Variants in ARHGEF2 observed in about 807,000 individuals in gnomAD.
ARHGEF2 encodes the protein rho guanine nucleotide exchange factor 2.
In ARHGEF2, 22 loss-of-function variants were observed where a neutral mutation model predicts 121.0. The ratio of observed to expected loss-of-function variants is 0.18; its 90% confidence interval spans 0.13 to 0.26. The LOEUF is 0.26. Among genes scored for constraint, ARHGEF2 ranks in the 10% least tolerant of loss-of-function variants. The pLI, the probability that ARHGEF2 is intolerant of heterozygous loss-of-function variation, is 1.00. For synonymous variants in ARHGEF2, 487 were observed against 530.0 expected (o/e 0.92, Z 1.11); for missense variants, 907 against 1,336.0 (o/e 0.68, Z 5.01).
intron 16 of ARHGEF2, 63 bp downstream of exon 16, chr1:155,952,053 G>A: frequency 6.2e-7 from 1 of 1,613,944 alleles, no homozygotes; most frequent in South Asian, 1.1e-5. Context: ...TTGATCCCTG[G>A]TACCACTCTA....
intron 14 of ARHGEF2, among the ~76,000 whole-genome samples, chr1:155,954,112 C>T (rs568056129): frequency 6.8e-6 from 1 of 146,192 alleles, no homozygotes; most frequent in Non-Finnish European, 1.5e-5. Context: ...CAGGTGTGTA[C>T]CATCATGCCT....
chr1:155,964,922 TA>T, intron 7 of ARHGEF2, 65 bp downstream of exon 7: 1 of 1,360,222 alleles, frequency 7.4e-7, no homozygotes, highest in South Asian at 1.6e-5. Context: ...AAAAGAAAAA[TA>T]AAGAAGGAAG....
chr1:155,955,751 T>A (rs1028523090), intron 13 of ARHGEF2, among the ~76,000 whole-genome samples: 10 of 152,160 alleles, frequency 6.6e-5, no homozygotes, highest in African/African-American at 2.4e-4. Flanking sequence ...AGTCTTGCAC[T>A]TTCGCCCAGG....
chr1:155,971,892 A>T (rs111998236), intron 1 of ARHGEF2, among the ~76,000 whole-genome samples: 75 of 151,548 alleles, frequency 4.9e-4, no homozygotes, highest in African/African-American at 1.2e-3. Flanking sequence ...ATAAAAAAAA[A>T]AAATATATAC....
chr1:155,969,318 G>A lies in ARHGEF2; in HGVS notation c.64-18C>T. 1 of 1,613,222 alleles carries A rather than the reference G, an allele frequency of 6.2e-7. No individual in the cohort carries two copies. Among genetic ancestry groups the A allele is most frequent in the Non-Finnish European group, 8.5e-7 (1 of 1,179,564 alleles). ...TCCCGGGTCTGTGGAAGGGATGAGA[G>A]GGAGAGGAAGTGAGGCTGGAAAATG... On this transcript the variant is annotated intron_variant, in intron 1 of 21. Coordinates refer to ENST00000361247, the MANE Select transcript of ARHGEF2 (RefSeq NM_001162383.2).
At chr1:155,968,716 G>GA in intron 2 of ARHGEF2, 1 of 165,854 alleles carries the variant, frequency 6.0e-6, no homozygotes, top group South Asian at 1.6e-4. Flanking sequence ...GTGAAGTCCT[G>GA]AATGCCCAGC....
rs1319877579 is a variant in ARHGEF2, at chr1:155,966,980, C to T, written c.209-93G>A. 6 of 1,262,274 alleles carry T rather than the reference C, an allele frequency of 4.8e-6. No individual in the cohort carries two copies. The African/African-American group carries it at 5.9e-5, about 12-fold the overall frequency. The allele number at this position is 1,262,274 out of a possible 1,614,324, so 78.2% of individuals were successfully genotyped here. On this transcript the variant is annotated intron_variant, in intron 2 of 21. Coordinates refer to ENST00000361247, the MANE Select transcript of ARHGEF2 (RefSeq NM_001162383.2). ...AGACACCCATCTCCTCCTGGCCACA[C>T]AGTCCTCGGGGACTCTCCCCCCTTC...
chr1:155,961,544 G>C lies in ARHGEF2; in HGVS notation c.1468+117C>G. ...CCGCCTCGGCCTCCCTAAGTGCTGG[G>C]ATTACAGGCGTTGAGCCACTGCACC... On this transcript the variant is annotated intron_variant, in intron 11 of 21. Transcript: ENST00000361247. The surrounding 1 kb of genome is among the most constrained non-coding windows in gnomAD (Gnocchi z 4.7). The C allele has an allele frequency of 2.8e-6, 4 of 1,432,606 alleles. No homozygotes were observed. The highest frequency in any genetic ancestry group is 3.8e-6 in the Non-Finnish European group (4 of 1,058,742). 88.7% of individuals were successfully genotyped at this position (1,432,606 alleles called of 1,614,324 possible). A position where few individuals can be genotyped will look rare whatever the true frequency, so the allele number is the denominator to read the frequency against.
In ARHGEF2 at chr1:155,974,802, C is replaced by G. The variant is rs1000817755; in HGVS notation, c.63+3563G>C. 3.9e-5 allele frequency among the ~76,000 whole-genome samples: 6 copies of G among 152,136 alleles called. No homozygotes were observed. In the East Asian group the frequency reaches 5.8e-4, roughly 15 times the overall value. On this transcript the variant is annotated intron_variant, in intron 1 of 21. Transcript: ENST00000361247. ...AAGCATCCTGGAACCCAGCCTGCCC[C>G]CTACGCGGCCACACCTGTCAGGCCA...
chr1:155,964,697 A>G (rs1678988318), intron 7 of ARHGEF2, among the ~76,000 whole-genome samples: 1 of 152,062 alleles, frequency 6.6e-6, no homozygotes, highest in Admixed American at 6.6e-5. Flanking sequence ...AGGCGGGCAG[A>G]TCACCTGAGG....
At chr1:155,968,980 C>T in intron 2 of ARHGEF2, 176 bp downstream of exon 2, 2 of 708,934 alleles carry the variant, frequency 2.8e-6, no homozygotes, top group Non-Finnish European at 2.3e-6. Flanking sequence ...CAACAGCCAC[C>T]ACCCCTCAGA....
At chr1:155,973,767 A>C (rs992853952) in intron 1 of ARHGEF2, among the ~76,000 whole-genome samples, 1 of 152,038 alleles carries the variant, frequency 6.6e-6, no homozygotes, top group Non-Finnish European at 1.5e-5. Flanking sequence ...AAGAAAAGAA[A>C]AAAGAAAGAA....
intron 7 of ARHGEF2, 80 bp downstream of exon 7, chr1:155,964,908 A>AG: frequency 6.8e-7 from 1 of 1,468,518 alleles, no homozygotes; most frequent in Non-Finnish European, 9.1e-7. Flanking sequence ...AAAAAAAAAA[A>AG]AGAAAAAGAA....
At chr1:155,968,511 A>G (rs1250278390) in intron 2 of ARHGEF2, 1 of 152,196 alleles carries the variant, frequency 6.6e-6, no homozygotes, top group Admixed American at 6.5e-5. Context: ...TATACTCCCT[A>G]AAGACAGGAC....
chr1:155,956,887 CAA>C (rs34831517), intron 13 of ARHGEF2, among the ~76,000 whole-genome samples: 2 of 80,388 alleles, frequency 2.5e-5, no homozygotes. Flanking sequence ...ACTCTGTCTC[CAA>C]AAAAAAAAAA....
At chr1:155,955,733 TGA>T (rs1676518147) in intron 13 of ARHGEF2, among the ~76,000 whole-genome samples, 1 of 152,158 alleles carries the variant, frequency 6.6e-6, no homozygotes, top group Admixed American at 6.5e-5. Context: ...ATTTTTTTTT[TGA>T]GAGAGAGTCT....
chr1:155,964,405 T>C (rs1678915461), intron 7 of ARHGEF2, among the ~76,000 whole-genome samples: 1 of 151,564 alleles, frequency 6.6e-6, no homozygotes, highest in South Asian at 2.1e-4. Flanking sequence ...GTAAGAACCA[T>C]ATGTCTTCTA....
chr1:155,954,673 C>G (rs1245839349), intron 14 of ARHGEF2, among the ~76,000 whole-genome samples: 1 of 149,860 alleles, frequency 6.7e-6, no homozygotes, highest in Non-Finnish European at 1.5e-5. Flanking sequence ...TAAGGCCTTA[C>G]AGTGAAAAAG....
In ARHGEF2 at chr1:155,961,973, G is replaced by A. The variant is rs1292012742; in HGVS notation, c.1220-64C>T. ...TTTCACTCACACCCCAGTTCCCATCGTGTCTTGATTCCACCTTTAGAGGCT... is the reference window on the plus strand; with the variant it reads ...TTTCACTCACACCCCAGTTCCCATCATGTCTTGATTCCACCTTTAGAGGCT... On this transcript the variant is annotated intron_variant, in intron 10 of 21. Coordinates refer to ENST00000361247, the MANE Select transcript of ARHGEF2 (RefSeq NM_001162383.2). The surrounding 1 kb of genome is among the most constrained non-coding windows in gnomAD (Gnocchi z 4.7). 5.6e-6 allele frequency: 9 copies of A among 1,605,874 alleles called. No homozygotes were observed. The East Asian group carries it at 1.3e-4, about 24-fold the overall frequency.
Sources: gnomAD v4.1 joint callset for allele counts (sites outside exome capture counted in the v4.1 genomes callset) on GRCh38, gnomAD v4.1.1 for gene constraint, Gnocchi (gnomAD v3.1) non-coding constraint, MANE v1.5 for transcripts, NCBI Gene and HGNC (gene_info 2026-07-23, HGNC 2026-07-21) for gene names.